The following SKI variants were observed in gnomAD, a reference collection of about 807,000 sequenced individuals.
SKI encodes ski oncogene.
A neutral mutation model predicts 59.3 loss-of-function variants in SKI; 23 were observed. The ratio of observed to expected loss-of-function variants is 0.39; its 90% CI spans 0.28 to 0.55. The LOEUF (loss-of-function observed/expected upper bound fraction) is 0.55, where lower values mean the gene tolerates loss of function less well. SKI is among the 20% of genes least tolerant of loss of function. The probability of loss-of-function intolerance (pLI) is 0.67; values close to 1 mark genes in which losing one functional copy is unlikely to be tolerated. For missense variants in SKI, 1,017 were observed against 1,038.9 expected, an observed-to-expected ratio of 0.98 and a Z score of 0.29; for synonymous variants, 673 against 488.6, an observed-to-expected ratio of 1.38 and a Z score of -4.98.
At chr1:2,271,586 G>GACGCTCGCCTTTTGTGCT (rs545337839) in intron 1 of SKI, among the ~76,000 whole-genome samples, 176 of 152,266 alleles carry the variant, frequency 1.2e-3, no homozygotes, top group African/African-American at 4.0e-3. Context: ...GCTGACCCCA[G>GACGCTCGCCTTTTGTGCT]ACGCTCGCCT....
intron 1 of SKI, among the ~76,000 whole-genome samples, chr1:2,274,280 C>G (rs1354756576): frequency 6.6e-6 from 1 of 152,142 alleles, no homozygotes; most frequent in Non-Finnish European, 1.5e-5. Flanking sequence ...TTTGCAAATA[C>G]TTGGTTCCGG....
At position 2,269,409 on chromosome 1, in the gene SKI, T is replaced by C. The variant is rs1639568418; in HGVS notation, c.970-33569T>C. Among the ~76,000 whole-genome samples, 2 of 152,216 alleles carry C rather than the reference T, an allele frequency of 1.3e-5. No individual in the cohort carries two copies. The highest frequency in any genetic ancestry group is 4.8e-5 in the African/African-American group (2 of 41,452). ...GGCCACACTGCAGGCCCCCACAGCG[T>C]CACTAGTAGGCCAAGCGGACACTGC... On this transcript the variant is annotated intron_variant, in intron 1 of 6. Coordinates refer to ENST00000378536, the MANE Select transcript of SKI (RefSeq NM_003036.4). This position sits in a 1 kb window ranked among gnomAD's most constrained non-coding sequence, Gnocchi z 4.7.
rs1215424471 is a variant in SKI at position 2,306,861 on chromosome 1, C to CA, written c.*97dup. On this transcript the variant is annotated 3_prime_UTR_variant, in exon 7 of 7. Coordinates refer to ENST00000378536, the MANE Select transcript of SKI (RefSeq NM_003036.4). ...CGCCCGGCTCCGCCCCTGCAGCCCACACAGCACAACGTCTTACCGTGCCTA... is the reference window on the plus strand; with the variant it reads ...CGCCCGGCTCCGCCCCTGCAGCCCACAACAGCACAACGTCTTACCGTGCCTA... The CA allele has an allele frequency of 1.1e-5, 9 of 829,884 alleles. No homozygotes were observed. In the African/African-American group the frequency reaches 1.7e-4, roughly 15 times the overall value. The allele number at this position is 829,884 out of a possible 1,614,324, so 51.4% of individuals were successfully genotyped here.
intron 1 of SKI, among the ~76,000 whole-genome samples, chr1:2,284,628 C>T (rs905294243): frequency 3.9e-5 from 6 of 152,208 alleles, no homozygotes; most frequent in East Asian, 1.9e-4. Context: ...GCCCGCTGTC[C>T]GTGTGGACCT....
At chr1:2,282,465 C>G (rs1055448536) in intron 1 of SKI, among the ~76,000 whole-genome samples, 1 of 119,018 alleles carries the variant, frequency 8.4e-6, no homozygotes, top group Non-Finnish European at 1.8e-5. Context: ...GAGAGGACGC[C>G]TGAGAAGACA....
Position 2,260,120 on chromosome 1 carries a change from G to A in SKI, c.969+30385G>A, listed in dbSNP as rs140595055. Among the ~76,000 whole-genome samples, 657 of 152,270 alleles carry A rather than the reference G, an allele frequency of 4.3e-3. 2 individuals are homozygous for A. Among genetic ancestry groups the A allele is most frequent in the South Asian group, 7.9e-3 (38 of 4,822 alleles). Reference sequence around the variant, plus strand: ...TTCCAAGGTGGCTGCACCATTCCTCGTCCTACCAGCAGTGAGTGAGAGTTC... The same window carrying A: ...TTCCAAGGTGGCTGCACCATTCCTCATCCTACCAGCAGTGAGTGAGAGTTC... On this transcript the variant is annotated intron_variant, in intron 1 of 6. Transcript: ENST00000378536.
chr1:2,259,475 A>G (rs1639337832), intron 1 of SKI, among the ~76,000 whole-genome samples: 1 of 152,208 alleles, frequency 6.6e-6, no homozygotes, highest in Non-Finnish European at 1.5e-5. Flanking sequence ...GAGGTTGTTT[A>G]AAGCTATAGA....
chr1:2,245,563 C>T (rs548825657), intron 1 of SKI, among the ~76,000 whole-genome samples: 33 of 152,222 alleles, frequency 2.2e-4, no homozygotes, highest in African/African-American at 7.2e-4. Context: ...GCCTCCACCT[C>T]CTCCTGGGCT....
chr1:2,288,468 T>C (rs1185640892), intron 1 of SKI, among the ~76,000 whole-genome samples: 1 of 152,242 alleles, frequency 6.6e-6, no homozygotes, highest in East Asian at 1.9e-4. Flanking sequence ...AATTCGGTTT[T>C]ATTTTGAGGT....
intron 1 of SKI, among the ~76,000 whole-genome samples, chr1:2,263,134 C>A (rs1019299862): frequency 9.9e-5 from 15 of 152,088 alleles, no homozygotes; most frequent in African/African-American, 3.4e-4. Context: ...CTCCTGACCT[C>A]AAGTGATCTG....
In SKI at chr1:2,306,964, A is replaced by G. The variant is rs769542370; in HGVS notation, c.*199A>G. Reference sequence around the variant, plus strand: ...TCTACTGGCCAAGTTCAAGTGAGTAAGCCGCGTCCCCCAACTACAGCTGGA... The same window carrying G: ...TCTACTGGCCAAGTTCAAGTGAGTAGGCCGCGTCCCCCAACTACAGCTGGA... On this transcript the variant is annotated 3_prime_UTR_variant, in exon 7 of 7. Transcript: ENST00000378536. 1.2e-4 allele frequency: 42 copies of G among 339,680 alleles called. No individual in the cohort carries two copies. The highest frequency in any genetic ancestry group is 1.1e-4 in the Non-Finnish European group (21 of 191,064). The allele number at this position is 339,680 out of a possible 1,614,324, so 21.0% of individuals were successfully genotyped here.
intron 1 of SKI, among the ~76,000 whole-genome samples, chr1:2,255,041 G>A (rs1639244054): frequency 6.6e-6 from 1 of 152,136 alleles, no homozygotes; most frequent in African/African-American, 2.4e-5. Context: ...TGTTAGGCCA[G>A]TTTCTCTCAG....
intron 1 of SKI, among the ~76,000 whole-genome samples, chr1:2,262,092 A>G (rs1348390233): frequency 4.5e-5 from 5 of 110,752 alleles, no homozygotes; most frequent in Non-Finnish European, 1.7e-5. Context: ...GTGGGAGTGG[A>G]CACCCTCGCT....
chr1:2,272,777 G>A (rs546013605), intron 1 of SKI, among the ~76,000 whole-genome samples: 1 of 152,108 alleles, frequency 6.6e-6, no homozygotes, highest in South Asian at 2.1e-4. Flanking sequence ...CCCCTGCCCC[G>A]GCCTATGTGT....
chr1:2,278,246 C>T (rs921489733), intron 1 of SKI, among the ~76,000 whole-genome samples: 15 of 152,218 alleles, frequency 9.9e-5, no homozygotes, highest in African/African-American at 3.6e-4. Flanking sequence ...GGCAGAGTCA[C>T]GAGTGATGCA....
chr1:2,305,930 C>A, intron 5 of SKI, 90 bp from the exon 6 acceptor site: 2 of 1,006,340 alleles, frequency 2.0e-6, no homozygotes, highest in Non-Finnish European at 3.1e-6. Context: ...AGATAGATGA[C>A]CCCACGGGGT....
chr1:2,304,745 G>A (rs1205182985), intron 5 of SKI, among the ~76,000 whole-genome samples, 160 bp downstream of exon 5: 1 of 152,202 alleles, frequency 6.6e-6, no homozygotes, highest in South Asian at 2.1e-4. Context: ...TTGGGGGTCC[G>A]TCTCCCAAAA....
At chr1:2,299,807 G>C (rs1220740891) in intron 1 of SKI, among the ~76,000 whole-genome samples, 1 of 152,228 alleles carries the variant, frequency 6.6e-6, no homozygotes, top group East Asian at 1.9e-4. Context: ...GCTCTTCTCT[G>C]TTCCTGGCAC....
rs149325890 is a variant in SKI at position 2,267,321 on chromosome 1, C to T, written c.970-35657C>T. 1.1e-4 allele frequency among the ~76,000 whole-genome samples: 17 copies of T among 152,230 alleles called. No homozygotes were observed. The highest frequency in any genetic ancestry group is 3.9e-4 in the East Asian group (2 of 5,174). ...CTCAGAATTCAGCTTGCGCGGGCTG[C>T]GGTGGAGTTCTGGGGTTTGTTTGTG... On this transcript the variant is annotated intron_variant, in intron 1 of 6. Transcript: ENST00000378536. This position sits in a 1 kb window ranked among gnomAD's most constrained non-coding sequence, Gnocchi z 4.1.
Sources: gnomAD v4.1 joint callset for allele counts (sites outside exome capture counted in the v4.1 genomes callset) on GRCh38, gnomAD v4.1.1 for gene constraint, Gnocchi (gnomAD v3.1) non-coding constraint, MANE v1.5 for transcripts, NCBI Gene and HGNC (gene_info 2026-07-23, HGNC 2026-07-21) for gene names.